The following PCDHA7 variants were observed in gnomAD, a reference collection of about 807,000 sequenced individuals.
PCDHA7 encodes the protein protocadherin alpha 7, also known as protocadherin alpha-7.
In PCDHA7, 37 loss-of-function variants were observed where a neutral mutation model predicts 57.2. The observed-to-expected ratio is 0.65, with a 90% CI of 0.50 to 0.85. PCDHA7 has a LOEUF of 0.85. Among genes scored for constraint, PCDHA7 ranks in the 40% least tolerant of loss-of-function variants. The pLI is 0.00. For synonymous variants in PCDHA7, 553 were observed against 558.8 expected (o/e 0.99, Z 0.15); for missense variants, 1,188 against 1,241.8 (o/e 0.96, Z 0.65).
At chr5:140,857,178 A>T (rs782349051) in intron 1 of PCDHA7, 2 of 1,598,472 alleles carry the variant, frequency 1.3e-6, no homozygotes, top group African/African-American at 2.7e-5. Flanking sequence ...TCTGACCATG[A>T]TTCAGGAGCC....
intron 1 of PCDHA7, among the ~76,000 whole-genome samples, chr5:140,898,428 A>G (rs1554187988): frequency 2.6e-5 from 4 of 152,132 alleles, no homozygotes; most frequent in Non-Finnish European, 5.9e-5. Flanking sequence ...TTTTCCCAGC[A>G]CCATTTATTA....
At chr5:140,927,146 A>T (rs2083897470) in intron 1 of PCDHA7, 1 of 1,614,156 alleles carries the variant, frequency 6.2e-7, no homozygotes, top group East Asian at 2.2e-5. Context: ...GACCGCGAAC[A>T]GCTGTGCAGG....
chr5:140,966,258 A>G, intron 1 of PCDHA7: 1 of 337,520 alleles, frequency 3.0e-6, no homozygotes, highest in Non-Finnish European at 5.3e-6. Context: ...GAGACGGTGG[A>G]GACTGGATGA....
At chr5:140,917,637 A>T (rs1257346290) in intron 1 of PCDHA7, among the ~76,000 whole-genome samples, 1 of 152,192 alleles carries the variant, frequency 6.6e-6, no homozygotes, top group Non-Finnish European at 1.5e-5. Context: ...TTAGCTAGTT[A>T]TCCCAGCAAT....
chr5:140,921,251 AG>A (rs2080121821), intron 1 of PCDHA7, among the ~76,000 whole-genome samples: 1 of 152,192 alleles, frequency 6.6e-6, no homozygotes. Context: ...CAGATCAAAA[AG>A]TCCTAGACTT....
chr5:140,887,183 A>G (rs1211270850), intron 1 of PCDHA7, among the ~76,000 whole-genome samples: 2 of 147,766 alleles, frequency 1.4e-5, no homozygotes, highest in African/African-American at 5.0e-5. Flanking sequence ...TGCAAGCTCC[A>G]CCTCCCGGGT....
At chr5:140,928,240 C>G (rs1174659124) in intron 1 of PCDHA7, 1 of 1,614,108 alleles carries the variant, frequency 6.2e-7, no homozygotes, top group Non-Finnish European at 8.5e-7. Flanking sequence ...TCAACCCCAG[C>G]AGGAACTTTT....
intron 1 of PCDHA7, among the ~76,000 whole-genome samples, chr5:140,934,664 T>G (rs1268113575): frequency 1.3e-5 from 2 of 152,176 alleles, no homozygotes; most frequent in Admixed American, 6.5e-5. Flanking sequence ...TCTTCCCCTT[T>G]GTTTAGCAGT....
chr5:140,987,805 C>T (rs2097269328), intron 3 of PCDHA7, among the ~76,000 whole-genome samples: 3 of 152,140 alleles, frequency 2.0e-5, no homozygotes. Flanking sequence ...TTTAAAGTGC[C>T]TGTCTCTTTG....
intron 1 of PCDHA7, chr5:140,883,535 C>A: frequency 6.2e-7 from 1 of 1,614,248 alleles, no homozygotes; most frequent in South Asian, 1.1e-5. Flanking sequence ...AGCCTATGAA[C>A]TGGTGGTGAC....
intron 2 of PCDHA7, among the ~76,000 whole-genome samples, chr5:140,980,278 GAAAAGT>G (rs1267614144): frequency 6.6e-6 from 1 of 152,166 alleles, no homozygotes; most frequent in Non-Finnish European, 1.5e-5. Context: ...ACCAACTCTT[GAAAAGT>G]ACCAAAGCTA....
chr5:140,835,433 G>A lies in PCDHA7; in HGVS notation c.1050G>A (p.Leu350=), dbSNP rs2150235637. 11 of 1,613,904 alleles carry A rather than the reference G, an allele frequency of 6.8e-6. 1 individual carries two copies. The South Asian group carries it at 1.2e-4, about 18-fold the overall frequency. The part of the protein sequence containing the change: ...VVDVNDNAPQ[L]TLTSLSLPIP... ...ATGTAAATGACAATGCTCCACAGTTGACTCTCACTTCCCTGTCTCTCCCTA... is the reference window on the plus strand; with the variant it reads ...ATGTAAATGACAATGCTCCACAGTTAACTCTCACTTCCCTGTCTCTCCCTA... The change falls in exon 1 of 4, where the codon TTG becomes TTA. Residue 350 remains leucine (L), a synonymous_variant. Coordinates refer to ENST00000525929, the MANE Select transcript of PCDHA7 (RefSeq NM_018910.3).
chr5:140,902,798 T>C (rs1554190660), intron 1 of PCDHA7, among the ~76,000 whole-genome samples: 1 of 152,156 alleles, frequency 6.6e-6, no homozygotes, highest in Admixed American at 6.5e-5. Context: ...CACTTGTATG[T>C]GAGAATATAC....
chr5:141,001,269 C>A (rs536985121), intron 3 of PCDHA7, among the ~76,000 whole-genome samples: 2 of 152,152 alleles, frequency 1.3e-5, no homozygotes, highest in East Asian at 3.9e-4. Context: ...CTCTTATGAA[C>A]TTTTTTTACG....
In PCDHA7 at chr5:140,857,009, G is replaced by T; in HGVS notation, c.2355+20271G>T. 2 of 1,596,020 alleles carry T rather than the reference G, an allele frequency of 1.3e-6. 1 individual carries two copies. The highest frequency in any genetic ancestry group is 1.7e-6 in the Non-Finnish European group (2 of 1,165,702). On this transcript the variant is annotated intron_variant, in intron 1 of 3. Transcript: ENST00000525929. ...TAACACTTATGAAATTCATGTAGAT[G>T]TTACAGATAAGGGAAACCCACCTAT...
At chr5:140,959,544 T>C (rs2095494180) in intron 1 of PCDHA7, among the ~76,000 whole-genome samples, 1 of 152,208 alleles carries the variant, frequency 6.6e-6, no homozygotes, top group Non-Finnish European at 1.5e-5. Context: ...AGAGATGCTG[T>C]ATAAATAGAA....
Position 140,968,743 on chromosome 5 carries a change from C to T in PCDHA7, c.2356-10206C>T, listed in dbSNP as rs112674082. On this transcript the variant is annotated intron_variant, in intron 1 of 3. Coordinates refer to ENST00000525929, the MANE Select transcript of PCDHA7 (RefSeq NM_018910.3). ...AGAGTGGTAGCACTTTCAACCTGAC[C>T]GTGGTGGTCCGAGATAATGGAGAGC... is the stretch of plus-strand genomic sequence containing the variant. The T allele has an allele frequency of 3.4e-5, 55 of 1,614,060 alleles. No individual in the cohort carries two copies. In the African/African-American group the frequency reaches 5.1e-4, roughly 15 times the overall value.
chr5:140,846,028 T>C (rs1415683647), intron 1 of PCDHA7, among the ~76,000 whole-genome samples: 1 of 149,754 alleles, frequency 6.7e-6, no homozygotes, highest in Non-Finnish European at 1.5e-5. Flanking sequence ...ATTACGAGTT[T>C]AGGAAAGTCA....
At chr5:140,865,269 T>C (rs2048801874) in intron 1 of PCDHA7, 1 of 152,262 alleles carries the variant, frequency 6.6e-6, no homozygotes. Flanking sequence ...TATCAAATTA[T>C]ATGTAAAATT....
Sources: allele counts gnomAD v4.1 joint callset (sites outside exome capture counted in the v4.1 genomes callset), GRCh38; gene constraint gnomAD v4.1.1; transcripts MANE v1.5; gene names NCBI Gene and HGNC (gene_info 2026-07-23, HGNC 2026-07-21).